Variants in KCNH1 observed in about 807,000 individuals in gnomAD.
The protein encoded by KCNH1 is potassium voltage-gated channel subfamily H member 1.
In KCNH1, 27 loss-of-function variants were observed where a neutral mutation model predicts 69.2. The ratio of observed to expected loss-of-function variants is 0.39; its 90% confidence interval spans 0.29 to 0.54. KCNH1 has a LOEUF of 0.54. Among genes scored for constraint, KCNH1 ranks in the 20% least tolerant of loss-of-function variants. The probability of loss-of-function intolerance (pLI) is 0.68; values close to 1 mark genes in which losing one functional copy is unlikely to be tolerated. For synonymous variants in KCNH1, 456 were observed against 487.7 expected (o/e 0.93, Z 0.86); for missense variants, 798 against 1,261.6 (o/e 0.63, Z 5.57).
At chr1:211,006,930 T>C (rs1242396210) in intron 6 of KCNH1, among the ~76,000 whole-genome samples, 1 of 151,902 alleles carries the variant, frequency 6.6e-6, no homozygotes, top group African/African-American at 2.4e-5. Context: ...TAATAAAATA[T>C]ATAAACATAT....
In KCNH1 at chr1:211,076,671, T is replaced by C. The variant is rs1690739655; in HGVS notation, c.558+6109A>G. On this transcript the variant is annotated intron_variant, in intron 5 of 10. Coordinates refer to ENST00000271751, the MANE Select transcript of KCNH1 (RefSeq NM_172362.3). ...TGAGGAGAAACCAGATCAGGAAAGC[T>C]GAAAATTCCAAAAACCTGAGAGCCT... 2.0e-5 allele frequency among the ~76,000 whole-genome samples: 3 copies of C among 152,180 alleles called. No homozygotes were observed. The South Asian group carries it at 6.2e-4, about 32-fold the overall frequency.
chr1:210,794,282 T>G (rs1173269533), intron 9 of KCNH1, among the ~76,000 whole-genome samples: 2 of 152,334 alleles, frequency 1.3e-5, no homozygotes, highest in East Asian at 3.9e-4. Context: ...TCTGATAAGT[T>G]ATTTAGAATA....
intron 10 of KCNH1, among the ~76,000 whole-genome samples, chr1:210,719,343 T>C (rs550960398): frequency 2.6e-5 from 4 of 152,238 alleles, no homozygotes; most frequent in African/African-American, 7.2e-5. Flanking sequence ...TGGGGACTTA[T>C]AAGGAAACCT....
intron 10 of KCNH1, among the ~76,000 whole-genome samples, chr1:210,703,540 T>C (rs1187852619): frequency 1.3e-5 from 2 of 152,224 alleles, no homozygotes; most frequent in Non-Finnish European, 2.9e-5. Flanking sequence ...ATAATGCATT[T>C]AAAGTGCCTA....
chr1:210,741,965 G>T (rs892008530), intron 10 of KCNH1, among the ~76,000 whole-genome samples: 3 of 152,172 alleles, frequency 2.0e-5, no homozygotes, highest in South Asian at 2.1e-4. Flanking sequence ...TGCTTAATTT[G>T]CCTGAAGTTA....
intron 10 of KCNH1, among the ~76,000 whole-genome samples, chr1:210,723,759 C>T (rs565807541): frequency 1.6e-4 from 25 of 152,154 alleles, no homozygotes; most frequent in Non-Finnish European, 3.1e-4. Flanking sequence ...AGCAAGTTAA[C>T]CATGGAGTAG....
rs1186812014 is a variant in KCNH1 at position 211,111,979 on chromosome 1, G to A, written c.80-4602C>T. Among the ~76,000 whole-genome samples the A allele has an allele frequency of 5.7e-5, 8 of 141,186 alleles. No individual in the cohort carries two copies. The East Asian group carries it at 1.7e-3, about 30-fold the overall frequency. The allele number at this position is 141,186 out of a possible 152,430, so 92.6% of individuals were successfully genotyped here. ...CTGGCCACTGCACTGTCTGGGAAGT[G>A]AGGAGCACCTCTGCTTGGCTGCCCA... On this transcript the variant is annotated intron_variant, in intron 1 of 10. Coordinates refer to ENST00000271751, the MANE Select transcript of KCNH1 (RefSeq NM_172362.3).
At chr1:210,952,322 G>A (rs751802476) in intron 6 of KCNH1, among the ~76,000 whole-genome samples, 1 of 152,020 alleles carries the variant, frequency 6.6e-6, no homozygotes, top group Non-Finnish European at 1.5e-5. Flanking sequence ...CTTTCTCCCT[G>A]GTGCATAACT....
intron 5 of KCNH1, among the ~76,000 whole-genome samples, chr1:211,049,363 CAT>C (rs1408715411): frequency 1.3e-5 from 2 of 152,034 alleles, no homozygotes; most frequent in Non-Finnish European, 2.9e-5. Flanking sequence ...ATAACACTCA[CAT>C]ATGTCTGGCA....
intron 10 of KCNH1, among the ~76,000 whole-genome samples, chr1:210,685,732 G>A (rs1681395153): frequency 6.8e-6 from 1 of 147,844 alleles, no homozygotes. Context: ...AGATGAAGAT[G>A]ACAAGCAACT....
intron 6 of KCNH1, among the ~76,000 whole-genome samples, chr1:210,931,842 TA>T (rs35667592): frequency 9.2e-5 from 13 of 141,820 alleles, no homozygotes; most frequent in East Asian, 4.2e-4. Flanking sequence ...GTGAACGAAA[TA>T]AAAAAAAAAA....
Position 210,989,360 on chromosome 1 carries a change from A to C in KCNH1, c.1032+29423T>G, listed in dbSNP as rs541719992. ...AAATAGATATCAAAGCCAGTCTGTGAGTTTTCTTGTTATAGCCACGAGCTG... is the reference window on the plus strand; with the variant it reads ...AAATAGATATCAAAGCCAGTCTGTGCGTTTTCTTGTTATAGCCACGAGCTG... On this transcript the variant is annotated intron_variant, in intron 6 of 10. Coordinates refer to ENST00000271751, the MANE Select transcript of KCNH1 (RefSeq NM_172362.3). Among the ~76,000 whole-genome samples, 4 of 152,332 alleles carry C rather than the reference A, an allele frequency of 2.6e-5. No individual in the cohort carries two copies. In the South Asian group the frequency reaches 8.3e-4, roughly 32 times the overall value.
At chr1:210,814,995 CTG>C (rs1329847575) in intron 7 of KCNH1, among the ~76,000 whole-genome samples, 3 of 152,142 alleles carry the variant, frequency 2.0e-5, no homozygotes, top group African/African-American at 7.2e-5. Context: ...ACTGAAGAGA[CTG>C]TCTCAAAGAG....
At chr1:211,104,482 G>A (rs1691318958) in intron 2 of KCNH1, among the ~76,000 whole-genome samples, 1 of 152,144 alleles carries the variant, frequency 6.6e-6, no homozygotes, top group African/African-American at 2.4e-5. Context: ...CCAGAAGCAA[G>A]AAAAATGCCA....
intron 5 of KCNH1, among the ~76,000 whole-genome samples, chr1:211,065,735 A>G (rs926316244): frequency 1.3e-5 from 2 of 152,194 alleles, no homozygotes; most frequent in Non-Finnish European, 2.9e-5. Flanking sequence ...CATGTTATAC[A>G]TAATAAATAT....
intron 6 of KCNH1, among the ~76,000 whole-genome samples, chr1:210,963,264 C>T (rs1688331513): frequency 6.6e-6 from 1 of 152,084 alleles, no homozygotes; most frequent in Non-Finnish European, 1.5e-5. Flanking sequence ...GACGTCCACG[C>T]AGAAACCCTG....
chr1:211,082,803 G>C lies in KCNH1; in HGVS notation c.535C>G (p.His179Asp). 2 of 1,613,920 alleles carry C rather than the reference G, an allele frequency of 1.2e-6. No homozygotes were observed. The highest frequency in any genetic ancestry group is 1.7e-6 in the Non-Finnish European group (2 of 1,179,810). The change falls in exon 5 of 11, where the codon CAC (histidine) becomes GAC (aspartate). Residue 179 changes from histidine (H) to aspartate (D), a missense_variant. Physicochemically the swap from His to Asp is moderately conservative, Grantham distance 81. This residue lies in a region of KCNH1 where 266 missense variants were observed against 457.2 expected (regional missense o/e 0.58). Transcript: ENST00000271751. ...ACCTCTGCCAGGCGGGAGTGCTTGT[G>C]GACATTCTCGCCTTTTTGCACGCTT... is the stretch of plus-strand genomic sequence containing the variant. Reference protein sequence around the residue: ...APSVQKGENVHKHSRLAEVLQ... With the variant: ...APSVQKGENVDKHSRLAEVLQ...
chr1:210,752,505 A>G (rs889839823), intron 10 of KCNH1, among the ~76,000 whole-genome samples: 2 of 152,248 alleles, frequency 1.3e-5, no homozygotes, highest in African/African-American at 4.8e-5. Context: ...GGAACTGTCA[A>G]TTAACCAAAT....
At chr1:210,716,615 A>ACTT (rs1252162925) in intron 10 of KCNH1, among the ~76,000 whole-genome samples, 1 of 152,158 alleles carries the variant, frequency 6.6e-6, no homozygotes, top group African/African-American at 2.4e-5. Flanking sequence ...CTTGCATAGA[A>ACTT]CTTTAACTTC....
Sources: gnomAD v4.1 joint callset for allele counts (sites outside exome capture counted in the v4.1 genomes callset) on GRCh38, gnomAD v4.1.1 for gene constraint, gnomAD v4.1.1 regional missense constraint, MANE v1.5 for transcripts, NCBI Gene and HGNC (gene_info 2026-07-23, HGNC 2026-07-21) for gene names.